FMN1: variants seen among roughly 807,000 people sequenced by gnomAD.
FMN1 encodes formin 1.
Under a neutral mutation model 132.4 loss-of-function variants are expected in FMN1, and 110 were observed. That is an observed-to-expected ratio of 0.83 (90% CI 0.71 to 0.97). FMN1 has a LOEUF of 0.97. Ranked by LOEUF, FMN1 falls within the 50% of genes least tolerant of loss-of-function variation. FMN1 has a pLI of 0.00. For synonymous variants in FMN1, 722 were observed against 651.7 expected (o/e 1.11, Z -1.64); for missense variants, 1,792 against 1,705.3 (o/e 1.05, Z -0.90).
chr15:32,900,595 C>G (rs1323603394), intron 13 of FMN1, among the ~76,000 whole-genome samples: 2 of 151,922 alleles, frequency 1.3e-5, no homozygotes, highest in East Asian at 3.9e-4. Flanking sequence ...CTTCTTTATC[C>G]CCGGATATAA....
At chr15:32,985,395 C>G (rs2033001829) in intron 7 of FMN1, among the ~76,000 whole-genome samples, 1 of 152,086 alleles carries the variant, frequency 6.6e-6, no homozygotes, top group African/African-American at 2.4e-5. Flanking sequence ...TTTATGGGGA[C>G]TCATGTTTTT....
intron 6 of FMN1, among the ~76,000 whole-genome samples, chr15:33,039,070 G>A (rs952538157): frequency 1.3e-5 from 2 of 151,944 alleles, no homozygotes; most frequent in African/African-American, 4.8e-5. Context: ...CTGAATTGGG[G>A]GATAAAACAA....
At chr15:33,165,365 T>C (rs1204838248) in intron 3 of FMN1, among the ~76,000 whole-genome samples, 2 of 152,210 alleles carry the variant, frequency 1.3e-5, no homozygotes, top group Non-Finnish European at 2.9e-5. Flanking sequence ...GCTTTCCAAT[T>C]AGAGAGCACA....
intron 17 of FMN1, among the ~76,000 whole-genome samples, chr15:32,835,751 G>A (rs2058608305): frequency 6.6e-6 from 1 of 152,076 alleles, no homozygotes; most frequent in South Asian, 2.1e-4. Flanking sequence ...ATGTCTGTGT[G>A]GTACAAAATG....
intron 17 of FMN1, among the ~76,000 whole-genome samples, chr15:32,827,787 T>A (rs2058404498): frequency 6.6e-6 from 1 of 150,502 alleles, no homozygotes; most frequent in South Asian, 2.1e-4. Context: ...GAGCTTGCAG[T>A]GAGCGGAGAT....
chr15:33,154,400 A>T lies in FMN1; in HGVS notation c.515T>A (p.Leu172His), dbSNP rs1276548578. The T allele has an allele frequency of 6.5e-7, 1 of 1,536,006 alleles. No homozygotes were observed. Among genetic ancestry groups the T allele is most frequent in the South Asian group, 1.2e-5 (1 of 84,054 alleles). Reference protein sequence around the residue: ...SSGRRESFGALPQKRTKRKGR... With the variant: ...SSGRRESFGAHPQKRTKRKGR... ...TTTTCTTTTGGTCCTCTTCTGTGGAAGGGCCCCAAAGCTCTCTCTCCTTCC... is the reference window on the plus strand; with the variant it reads ...TTTTCTTTTGGTCCTCTTCTGTGGATGGGCCCCAAAGCTCTCTCTCCTTCC... The change falls in exon 4 of 21, where the codon CTT (leucine) becomes CAT (histidine). Residue 172 changes from leucine (L) to histidine (H), a missense_variant. Leu to His is a moderately conservative substitution (Grantham distance 99). Around this residue, in one of 3 missense-constraint regions of FMN1, gnomAD observed 638 missense variants for 645.2 expected, o/e 0.99. Transcript: ENST00000616417.
intron 4 of FMN1, among the ~76,000 whole-genome samples, chr15:33,097,679 A>G (rs75411053): frequency 0.056 from 8,596 of 152,270 alleles, 276 homozygotes; most frequent in South Asian, 0.12. Context: ...CCATAATGAT[A>G]AAAGAGTCAC....
chr15:32,930,884 G>A (rs1023876380), intron 9 of FMN1, among the ~76,000 whole-genome samples: 1 of 152,062 alleles, frequency 6.6e-6, no homozygotes, highest in Non-Finnish European at 1.5e-5. Flanking sequence ...TCCAAGATAA[G>A]GGTCCAATTT....
chr15:32,880,796 CCTGA>C (rs2059751952), intron 16 of FMN1, among the ~76,000 whole-genome samples: 1 of 152,172 alleles, frequency 6.6e-6, no homozygotes. Flanking sequence ...CATTCTGTTT[CCTGA>C]CTGTGTGTGT....
chr15:33,177,614 C>T (rs76546265), intron 3 of FMN1, among the ~76,000 whole-genome samples: 121 of 152,242 alleles, frequency 7.9e-4, no homozygotes, highest in African/African-American at 2.8e-3. Flanking sequence ...GTAAATTCAG[C>T]GCACAAATAG....
intron 5 of FMN1, among the ~76,000 whole-genome samples, chr15:33,073,668 G>C (rs960640191): frequency 6.6e-6 from 1 of 151,964 alleles, no homozygotes; most frequent in African/African-American, 2.4e-5. Flanking sequence ...GGAATAATTT[G>C]GGTAGAATCC....
intron 9 of FMN1, among the ~76,000 whole-genome samples, chr15:32,956,538 C>T (rs983182553): frequency 6.6e-6 from 1 of 151,980 alleles, no homozygotes; most frequent in African/African-American, 2.4e-5. Flanking sequence ...ACAGGAAAGC[C>T]CTGATCATTC....
intron 4 of FMN1, among the ~76,000 whole-genome samples, chr15:33,110,387 A>G (rs2039655246): frequency 6.6e-6 from 1 of 152,120 alleles, no homozygotes; most frequent in Non-Finnish European, 1.5e-5. Context: ...GAAATTTTTT[A>G]AAGTACAGTA....
chr15:33,027,378 A>G (rs2035729222), intron 6 of FMN1, among the ~76,000 whole-genome samples: 1 of 152,216 alleles, frequency 6.6e-6, no homozygotes, highest in South Asian at 2.1e-4. Flanking sequence ...TATACTAAGT[A>G]ATTACTCATT....
chr15:33,168,235 A>T (rs1181939421), intron 3 of FMN1, among the ~76,000 whole-genome samples: 3 of 152,168 alleles, frequency 2.0e-5, no homozygotes, highest in African/African-American at 7.2e-5. Flanking sequence ...ATTTCTTAAA[A>T]CTTCAGGGAG....
intron 17 of FMN1, among the ~76,000 whole-genome samples, chr15:32,852,159 G>A (rs928025155): frequency 2.6e-5 from 4 of 152,014 alleles, no homozygotes; most frequent in African/African-American, 7.3e-5. Flanking sequence ...CTACCTGCGC[G>A]TCTCACATGT....
intron 5 of FMN1, among the ~76,000 whole-genome samples, chr15:33,075,891 G>A (rs2038188328): frequency 6.6e-6 from 1 of 152,136 alleles, no homozygotes; most frequent in Admixed American, 6.5e-5. Context: ...GACTTCAAAA[G>A]TGCTGCTTCA....
At chr15:32,890,675 T>A (rs1466846921) in intron 15 of FMN1, among the ~76,000 whole-genome samples, 1 of 152,206 alleles carries the variant, frequency 6.6e-6, no homozygotes, top group Non-Finnish European at 1.5e-5. Flanking sequence ...TTGTCAGATG[T>A]ATAGATTGTA....
At chr15:32,966,030 C>T (rs1270071955) in intron 8 of FMN1, among the ~76,000 whole-genome samples, 1 of 152,022 alleles carries the variant, frequency 6.6e-6, no homozygotes, top group Admixed American at 6.6e-5. Context: ...GCTGGGAATT[C>T]TGGAGTGAGC....
Sources: allele counts gnomAD v4.1 joint callset (sites outside exome capture counted in the v4.1 genomes callset), GRCh38; gene constraint gnomAD v4.1.1; regional missense constraint gnomAD v4.1.1; transcripts MANE v1.5; gene names NCBI Gene and HGNC (gene_info 2026-07-23, HGNC 2026-07-21).